The following SPATS2L variants were observed in gnomAD, a reference collection of about 807,000 sequenced individuals.
The protein encoded by SPATS2L is SPATS2-like protein.
A neutral mutation model predicts 59.6 loss-of-function variants in SPATS2L; 30 were observed. The observed-to-expected ratio is 0.50, with a 90% CI of 0.38 to 0.68. SPATS2L has a LOEUF of 0.68. SPATS2L is among the 30% of genes least tolerant of loss of function. The pLI is 0.00. For missense variants in SPATS2L, 615 were observed against 700.0 expected (o/e 0.88, Z 1.37); for synonymous variants, 252 against 263.5 (o/e 0.96, Z 0.42).
At chr2:200,388,092 T>G (rs1405918743) in intron 2 of SPATS2L, among the ~76,000 whole-genome samples, 2 of 152,148 alleles carry the variant, frequency 1.3e-5, no homozygotes, top group African/African-American at 4.8e-5. Flanking sequence ...ATTATGAAAT[T>G]ATGGACAATA....
intron 1 of SPATS2L, among the ~76,000 whole-genome samples, chr2:200,316,373 G>T (rs2079379039): frequency 6.6e-6 from 1 of 152,218 alleles, no homozygotes; most frequent in Non-Finnish European, 1.5e-5. Context: ...TAGGGGCAAA[G>T]GTTCTTGTGC....
At chr2:200,336,227 A>T (rs1460245222) in intron 2 of SPATS2L, among the ~76,000 whole-genome samples, 1 of 152,224 alleles carries the variant, frequency 6.6e-6, no homozygotes, top group East Asian at 1.9e-4. Context: ...TGGCCATGAA[A>T]ATTTTATGAT....
chr2:200,410,719 C>A (rs1350992503), intron 3 of SPATS2L, among the ~76,000 whole-genome samples: 1 of 152,114 alleles, frequency 6.6e-6, no homozygotes, highest in African/African-American at 2.4e-5. Flanking sequence ...GTCAAGTCTC[C>A]CTGTCATATG....
intron 3 of SPATS2L, among the ~76,000 whole-genome samples, chr2:200,407,045 A>C (rs1370674158): frequency 6.6e-6 from 1 of 152,244 alleles, no homozygotes; most frequent in Non-Finnish European, 1.5e-5. Context: ...CATTCAAGCC[A>C]CATGGTCTTT....
Position 200,396,033 on chromosome 2 carries a change from A to AATAT in SPATS2L, c.39+6781_39+6784dup, listed in dbSNP as rs1553520465. 5.9e-3 allele frequency among the ~76,000 whole-genome samples: 124 copies of AATAT among 21,114 alleles called. 3 individuals are homozygous for AATAT. The highest frequency in any genetic ancestry group is 0.022 in the East Asian group (11 of 502). The allele number at this position is 21,114 out of a possible 152,430, so 13.9% of individuals were successfully genotyped here. A position where few individuals can be genotyped will look rare whatever the true frequency, so the allele number is the denominator to read the frequency against. On this transcript the variant is annotated intron_variant, in intron 3 of 12. Transcript: ENST00000409140. ...CTGGAAAAAAAAAAAAAAAAAAAAA[A>AATAT]ATATATATATATATATATATATATA...
At chr2:200,395,759 C>T (rs1250666761) in intron 3 of SPATS2L, among the ~76,000 whole-genome samples, 4 of 151,792 alleles carry the variant, frequency 2.6e-5, no homozygotes, top group Non-Finnish European at 5.9e-5. Flanking sequence ...GTGGCTCACA[C>T]CTGCACTTTG....
chr2:200,349,562 C>T (rs72920303), intron 2 of SPATS2L, among the ~76,000 whole-genome samples: 13,324 of 152,238 alleles, frequency 0.088, 771 homozygotes, highest in Non-Finnish European at 0.13. Flanking sequence ...CCCTTGAACC[C>T]AGGAGGCAGA....
intron 6 of SPATS2L, among the ~76,000 whole-genome samples, chr2:200,429,775 A>C (rs1045212634): frequency 7.9e-5 from 12 of 152,184 alleles, no homozygotes; most frequent in African/African-American, 2.9e-4. Context: ...CTGGCAAAAG[A>C]GAATTGCTTA....
chr2:200,419,511 A>C lies in SPATS2L; in HGVS notation c.445+15A>C, dbSNP rs1037550017. The C allele has an allele frequency of 5.6e-6, 9 of 1,612,202 alleles. No individual in the cohort carries two copies. Among genetic ancestry groups the C allele is most frequent in the Non-Finnish European group, 7.6e-6 (9 of 1,178,844 alleles). On this transcript the variant is annotated intron_variant, in intron 6 of 12. Coordinates refer to ENST00000409140, the MANE Select transcript of SPATS2L (RefSeq NM_001100423.2). ...TGGGGTCACAGGTCAGTAATGCTTA[A>C]GTAAAATTGCTTAGGAAGGCATAGA...
At chr2:200,424,160 C>T (rs140307711) in intron 6 of SPATS2L, among the ~76,000 whole-genome samples, 4 of 152,158 alleles carry the variant, frequency 2.6e-5, no homozygotes, top group Admixed American at 2.6e-4. Flanking sequence ...ATCCTGGGCT[C>T]AAATACAAAA....
chr2:200,307,259 A>AT (rs1354572250), intron 1 of SPATS2L, among the ~76,000 whole-genome samples: 2 of 151,178 alleles, frequency 1.3e-5, no homozygotes, highest in African/African-American at 4.9e-5. Flanking sequence ...CCGGATCTGA[A>AT]TCGCCCGCGG....
intron 6 of SPATS2L, among the ~76,000 whole-genome samples, chr2:200,429,267 CAGT>C (rs2083762505): frequency 6.6e-6 from 1 of 152,220 alleles, no homozygotes; most frequent in Non-Finnish European, 1.5e-5. Flanking sequence ...TTAATTAAAA[CAGT>C]AGGAGGTTAC....
At chr2:200,470,107 C>T in intron 11 of SPATS2L, 91 bp downstream of exon 11, 1 of 1,001,748 alleles carries the variant, frequency 1.0e-6, no homozygotes, top group South Asian at 1.5e-5. Flanking sequence ...TGCAGTCCCC[C>T]CAGGGGGCTA....
chr2:200,362,038 A>C (rs1341575045), intron 2 of SPATS2L, among the ~76,000 whole-genome samples: 3 of 152,102 alleles, frequency 2.0e-5, no homozygotes, highest in Non-Finnish European at 1.5e-5. Flanking sequence ...CCGGGAGTTC[A>C]AGACCAGCCT....
intron 3 of SPATS2L, among the ~76,000 whole-genome samples, chr2:200,404,650 C>T (rs2082634896): frequency 6.6e-6 from 1 of 152,152 alleles, no homozygotes; most frequent in South Asian, 2.1e-4. Context: ...CATTCATTTC[C>T]AGTTGCTGCT....
At chr2:200,320,715 A>G (rs1040035678) in intron 1 of SPATS2L, among the ~76,000 whole-genome samples, 2 of 152,044 alleles carry the variant, frequency 1.3e-5, no homozygotes, top group Admixed American at 6.5e-5. Context: ...AAAGAGGTTT[A>G]TTTTTCTTCC....
At chr2:200,432,662 G>A (rs1033726691) in intron 6 of SPATS2L, among the ~76,000 whole-genome samples, 1 of 152,082 alleles carries the variant, frequency 6.6e-6, no homozygotes, top group African/African-American at 2.4e-5. Context: ...AGAAAGATTA[G>A]TCATTAAAAA....
chr2:200,329,462 C>T lies in SPATS2L; in HGVS notation c.-41C>T. 1 of 1,550,596 alleles carries T rather than the reference C, an allele frequency of 6.4e-7. No homozygotes were observed. Among genetic ancestry groups the T allele is most frequent in the East Asian group, 2.4e-5 (1 of 40,924 alleles). The stretch of plus-strand genomic sequence containing the variant: ...TCAGAAACCAGGCTGCTTTCAGGAA[C>T]ATTGCTGTGGATTCCCAGGTGAGTA... On this transcript the variant is annotated 5_prime_UTR_variant, in exon 2 of 13. Coordinates refer to ENST00000409140, the MANE Select transcript of SPATS2L (RefSeq NM_001100423.2).
At chr2:200,450,100 T>G (rs956162161) in intron 8 of SPATS2L, among the ~76,000 whole-genome samples, 12 of 152,238 alleles carry the variant, frequency 7.9e-5, no homozygotes, top group African/African-American at 2.9e-4. Context: ...CTCTACATAT[T>G]CTAGCTCTGA....
Sources: allele counts gnomAD v4.1 joint callset (sites outside exome capture counted in the v4.1 genomes callset), GRCh38; gene constraint gnomAD v4.1.1; transcripts MANE v1.5; gene names NCBI Gene and HGNC (gene_info 2026-07-23, HGNC 2026-07-21).